Variants in BLACAT1 observed in about 807,000 individuals in gnomAD.
The protein encoded by BLACAT1 is bladder cancer associated transcript 1.
At chr1:205,449,603 G>GCA (rs1666460085) in intron 1 of BLACAT1, among the ~76,000 whole-genome samples, 1 of 150,486 alleles carries the variant, frequency 6.6e-6, no homozygotes, top group African/African-American at 2.5e-5. Context: ...ACAGCACACA[G>GCA]CACAGCACAG....
rs147680866 is a variant in BLACAT1, at chr1:205,448,638, TGAG to T, written c.-37+7276_-37+7278del. 0.023 allele frequency among the ~76,000 whole-genome samples: 3,431 copies of T among 152,274 alleles called. 72 individuals are homozygous for T. Among genetic ancestry groups the T allele is most frequent in the Non-Finnish European group, 0.034 (2,280 of 68,000 alleles). On this transcript the variant is annotated intron_variant, in intron 1 of 1. Coordinates refer to ENST00000629624, the Ensembl canonical transcript of BLACAT1. The surrounding 1 kb of genome is among the most constrained non-coding windows in gnomAD (Gnocchi z 4.7). ...ACACAATGGTCCTCACTCCAGGGTATGAGGAGGGGTGGCTTCCTGGCCATAAAG... is the reference window on the plus strand; with the variant it reads ...ACACAATGGTCCTCACTCCAGGGTATGAGGGGTGGCTTCCTGGCCATAAAG...
intron 1 of BLACAT1, among the ~76,000 whole-genome samples, chr1:205,451,996 G>A (rs1385479750): frequency 2.0e-5 from 3 of 152,128 alleles, no homozygotes; most frequent in East Asian, 3.9e-4. Flanking sequence ...CAGAGGTGGA[G>A]CACAGGCAGA....
chr1:205,454,549 T>TGA (rs574485023), intron 1 of BLACAT1, among the ~76,000 whole-genome samples: 2,632 of 147,268 alleles, frequency 0.018, 47 homozygotes, highest in Admixed American at 0.045. Flanking sequence ...TGTGTGTGTG[T>TGA]GAGAGAGAGA....
intron 1 of BLACAT1, among the ~76,000 whole-genome samples, chr1:205,444,087 C>T (rs535943733): frequency 6.6e-6 from 1 of 152,156 alleles, no homozygotes; most frequent in African/African-American, 2.4e-5. Context: ...CCTGGGTCCA[C>T]TCCCCACTCA....
intron 1 of BLACAT1, among the ~76,000 whole-genome samples, chr1:205,443,682 C>T (rs1490871847): frequency 6.6e-6 from 1 of 152,200 alleles, no homozygotes; most frequent in African/African-American, 2.4e-5. Flanking sequence ...GTTATCCTTC[C>T]TCTTCTCTAA....
intron 1 of BLACAT1, among the ~76,000 whole-genome samples, chr1:205,447,393 C>T (rs148710547): frequency 3.9e-5 from 6 of 152,112 alleles, no homozygotes; most frequent in Non-Finnish European, 8.8e-5. Flanking sequence ...TTATAAGAAA[C>T]TTGCCTTCTG....
At chr1:205,446,142 G>A (rs1018197232) in intron 1 of BLACAT1, among the ~76,000 whole-genome samples, 2 of 152,234 alleles carry the variant, frequency 1.3e-5, no homozygotes, top group Middle Eastern at 3.2e-3. Context: ...GAAGGGACAT[G>A]AGGGCAACTT....
chr1:205,448,464 C>T lies in BLACAT1; in HGVS notation c.-36-7402G>A. 1 of 521,448 alleles carries T rather than the reference C, an allele frequency of 1.9e-6. No individual in the cohort carries two copies. The allele number at this position is 521,448 out of a possible 1,614,324, so 32.3% of individuals were successfully genotyped here. A position where few individuals can be genotyped will look rare whatever the true frequency, so the allele number is the denominator to read the frequency against. ...CTGGGGCACCCGAGAAGCCCTCACT[C>T]CCCTTCTCAGCACCCCCGACCCCAG... On this transcript the variant is annotated intron_variant, in intron 1 of 1. Coordinates refer to ENST00000629624, the Ensembl canonical transcript of BLACAT1. The surrounding 1 kb of genome is among the most constrained non-coding windows in gnomAD (Gnocchi z 4.7).
intron 1 of BLACAT1, among the ~76,000 whole-genome samples, chr1:205,444,254 C>T (rs1197447693): frequency 6.6e-6 from 1 of 152,126 alleles, no homozygotes. Context: ...CCTCCTGCTA[C>T]CACACAGTTG....
intron 1 of BLACAT1, among the ~76,000 whole-genome samples, chr1:205,454,883 A>G (rs1358104398): frequency 1.3e-5 from 2 of 152,008 alleles, no homozygotes. Context: ...AAAAATCGTC[A>G]GGAAAGATTA....
intron 1 of BLACAT1, among the ~76,000 whole-genome samples, chr1:205,453,015 C>T (rs929022285): frequency 2.6e-5 from 4 of 152,060 alleles, no homozygotes; most frequent in African/African-American, 9.7e-5. Context: ...GAAGAGAGTC[C>T]CTGGGCTGGA....
At chr1:205,442,534 C>T (rs1312855802) in intron 1 of BLACAT1, among the ~76,000 whole-genome samples, 1 of 152,166 alleles carries the variant, frequency 6.6e-6, no homozygotes, top group African/African-American at 2.4e-5. Flanking sequence ...GGATCCAAGT[C>T]CTGTCAAGAT....
intron 1 of BLACAT1, among the ~76,000 whole-genome samples, chr1:205,443,263 G>C (rs1666325970): frequency 6.6e-6 from 1 of 152,198 alleles, no homozygotes; most frequent in African/African-American, 2.4e-5. Context: ...AGGTCAAGGT[G>C]CAGCTCAGGG....
At chr1:205,452,041 G>C (rs1337752407) in intron 1 of BLACAT1, among the ~76,000 whole-genome samples, 3 of 152,156 alleles carry the variant, frequency 2.0e-5, no homozygotes, top group Non-Finnish European at 4.4e-5. Flanking sequence ...GGGGGCCTGG[G>C]GCAAGAGGCG....
chr1:205,453,441 G>A (rs149361519), intron 1 of BLACAT1, among the ~76,000 whole-genome samples: 268 of 152,204 alleles, frequency 1.8e-3, no homozygotes, highest in Non-Finnish European at 2.8e-3. Context: ...AGCCCCCTGA[G>A]GTAAAGTGGG....
downstream of BLACAT1, chr1:205,435,716 T>C (rs184615579): frequency 6.6e-6 from 1 of 152,336 alleles, no homozygotes; most frequent in Admixed American, 6.5e-5. Context: ...GTCATACCTG[T>C]GTAGGAAAAA....
At chr1:205,444,139 C>T (rs1167269443) in intron 1 of BLACAT1, among the ~76,000 whole-genome samples, 1 of 152,122 alleles carries the variant, frequency 6.6e-6, no homozygotes, top group Non-Finnish European at 1.5e-5. Flanking sequence ...CCTCCCCCTC[C>T]TTTTCCATGC....
chr1:205,451,425 C>T (rs1666496223), intron 1 of BLACAT1, among the ~76,000 whole-genome samples: 1 of 152,168 alleles, frequency 6.6e-6, no homozygotes, highest in Non-Finnish European at 1.5e-5. Context: ...CTGCCGCAGG[C>T]TCCCATTGTC....
At chr1:205,447,422 A>C (rs1293954610) in intron 1 of BLACAT1, among the ~76,000 whole-genome samples, 1 of 152,146 alleles carries the variant, frequency 6.6e-6, no homozygotes, top group South Asian at 2.1e-4. Flanking sequence ...TACCAAATCT[A>C]GTGCTTTCTG....
Sources: allele counts gnomAD v4.1 joint callset (sites outside exome capture counted in the v4.1 genomes callset), GRCh38; gene constraint gnomAD v4.1.1; non-coding constraint Gnocchi (gnomAD v3.1); transcripts MANE v1.5; gene names NCBI Gene and HGNC (gene_info 2026-07-23, HGNC 2026-07-21).